The following NELL1 variants were observed in gnomAD, a reference collection of about 807,000 sequenced individuals.
NELL1 encodes neural EGFL like 1.
In NELL1, 76 loss-of-function variants were observed where a neutral mutation model predicts 107.4. That is an observed-to-expected ratio of 0.71 (90% CI 0.59 to 0.86). NELL1 has a LOEUF of 0.86. NELL1 is among the 40% of genes least tolerant of loss of function. The probability of loss-of-function intolerance (pLI) is 0.00; values close to 1 mark genes in which losing one functional copy is unlikely to be tolerated. For synonymous variants in NELL1, 353 were observed against 341.2 expected (o/e 1.03, Z -0.38); for missense variants, 1,024 against 1,005.5 (o/e 1.02, Z -0.25).
At chr11:20,982,625 C>T (rs1304830603) in intron 12 of NELL1, among the ~76,000 whole-genome samples, 4 of 152,142 alleles carry the variant, frequency 2.6e-5, no homozygotes, top group African/African-American at 9.7e-5. Context: ...TTATTTAGCC[C>T]CTTCATTTTG....
chr11:20,913,355 A>AATTAGC lies in NELL1; in HGVS notation c.604-4823_604-4818dup, dbSNP rs1258199252. Among the ~76,000 whole-genome samples the AATTAGC allele has an allele frequency of 3.3e-5, 5 of 152,290 alleles. No individual in the cohort carries two copies. The South Asian group carries it at 8.3e-4, about 25-fold the overall frequency. ...CAGGGAAATAAGAGCGTTAAAAAAGAATTAGCATTTGTTTGGTGGTGAAGC... is the reference window on the plus strand; with the variant it reads ...CAGGGAAATAAGAGCGTTAAAAAAGAATTAGCATTAGCATTTGTTTGGTGGTGAAGC... On this transcript the variant is annotated intron_variant, in intron 5 of 19. Transcript: ENST00000357134.
intron 15 of NELL1, among the ~76,000 whole-genome samples, chr11:21,459,519 C>A (rs1162784207): frequency 6.6e-6 from 1 of 151,834 alleles, no homozygotes; most frequent in Non-Finnish European, 1.5e-5. Context: ...CTTGCTGGGT[C>A]AGGGGCATAG....
intron 2 of NELL1, among the ~76,000 whole-genome samples, chr11:20,704,359 A>G (rs1380229919): frequency 6.6e-6 from 1 of 152,130 alleles, no homozygotes; most frequent in Non-Finnish European, 1.5e-5. Context: ...TTTGCTTGGC[A>G]GATCTTCCTC....
intron 10 of NELL1, among the ~76,000 whole-genome samples, chr11:20,941,900 T>C (rs573125021): frequency 1.3e-5 from 2 of 152,258 alleles, no homozygotes; most frequent in East Asian, 3.9e-4. Flanking sequence ...AAGTACAAGA[T>C]GGTGCATCAC....
chr11:21,390,763 C>T (rs1344908511), intron 15 of NELL1, among the ~76,000 whole-genome samples: 1 of 151,830 alleles, frequency 6.6e-6, no homozygotes, highest in African/African-American at 2.4e-5. Context: ...TTGGGTCAAC[C>T]TCAGATTCTC....
At chr11:20,834,126 G>A (rs1221373341) in intron 3 of NELL1, among the ~76,000 whole-genome samples, 2 of 152,130 alleles carry the variant, frequency 1.3e-5, no homozygotes, top group African/African-American at 2.4e-5. Flanking sequence ...AGACCTGATA[G>A]GAATCTATAT....
intron 2 of NELL1, among the ~76,000 whole-genome samples, chr11:20,756,086 G>A (rs1245045647): frequency 6.6e-6 from 1 of 150,858 alleles, no homozygotes; most frequent in African/African-American, 2.4e-5. Context: ...TGGAGACGGG[G>A]TTTCACCGTG....
intron 4 of NELL1, among the ~76,000 whole-genome samples, chr11:20,879,601 T>C (rs1849370140): frequency 6.6e-6 from 1 of 151,876 alleles, no homozygotes; most frequent in Non-Finnish European, 1.5e-5. Context: ...GGGTGTCAGG[T>C]GGGGCGGGGG....
chr11:21,555,995 C>G (rs1032752135), intron 16 of NELL1, among the ~76,000 whole-genome samples: 1 of 151,904 alleles, frequency 6.6e-6, no homozygotes, highest in Non-Finnish European at 1.5e-5. Context: ...TTTCATTAGC[C>G]TTTTATTTTG....
chr11:21,026,756 G>A (rs191595382), intron 12 of NELL1, among the ~76,000 whole-genome samples: 1 of 152,250 alleles, frequency 6.6e-6, no homozygotes, highest in African/African-American at 2.4e-5. Flanking sequence ...TATTCACCGT[G>A]ATCCTTTGAG....
intron 15 of NELL1, among the ~76,000 whole-genome samples, chr11:21,376,056 G>A (rs918503682): frequency 2.6e-5 from 4 of 151,962 alleles, no homozygotes; most frequent in African/African-American, 9.7e-5. Context: ...GTTGAATTAA[G>A]TCCTACTTGT....
chr11:21,163,770 C>T (rs1048310921), intron 13 of NELL1, among the ~76,000 whole-genome samples: 2 of 152,090 alleles, frequency 1.3e-5, no homozygotes, highest in Admixed American at 6.6e-5. Flanking sequence ...GTCTCTTTCT[C>T]TTCTTATAAG....
chr11:20,784,149 A>C (rs1280768243), intron 3 of NELL1, among the ~76,000 whole-genome samples: 2 of 152,244 alleles, frequency 1.3e-5, no homozygotes, highest in Non-Finnish European at 2.9e-5. Context: ...AAACATTTAC[A>C]GTGTGTTTAT....
intron 1 of NELL1, among the ~76,000 whole-genome samples, chr11:20,673,773 G>A (rs1853979253): frequency 6.6e-6 from 1 of 152,140 alleles, no homozygotes; most frequent in African/African-American, 2.4e-5. Flanking sequence ...GTCCAAAGTA[G>A]AGAACTTTAA....
intron 15 of NELL1, among the ~76,000 whole-genome samples, chr11:21,422,656 T>G (rs1466196180): frequency 6.6e-6 from 1 of 152,138 alleles, no homozygotes; most frequent in Non-Finnish European, 1.5e-5. Flanking sequence ...AATGTAATAC[T>G]TATAGTAACC....
intron 2 of NELL1, among the ~76,000 whole-genome samples, chr11:20,737,725 G>T (rs1039140812): frequency 6.6e-6 from 1 of 151,570 alleles, no homozygotes; most frequent in Non-Finnish European, 1.5e-5. Context: ...TTCCATAATG[G>T]TAATATTATT....
chr11:20,745,652 G>C (rs1035852649), intron 2 of NELL1, among the ~76,000 whole-genome samples: 4 of 152,154 alleles, frequency 2.6e-5, no homozygotes, highest in Admixed American at 1.3e-4. Flanking sequence ...ACCTTGAAAT[G>C]GGATGCCATT....
chr11:20,904,219 A>AT (rs575580866), intron 5 of NELL1, among the ~76,000 whole-genome samples: 32 of 151,258 alleles, frequency 2.1e-4, no homozygotes, highest in African/African-American at 5.2e-4. Flanking sequence ...AAATAAATAA[A>AT]AAAAAAAAGA....
Position 20,885,526 on chromosome 11 carries a change from C to G in NELL1, c.589C>G (p.His197Asp). 1 of 1,606,996 alleles carries G rather than the reference C, an allele frequency of 6.2e-7. No homozygotes were observed. The highest frequency in any genetic ancestry group is 8.5e-7 in the Non-Finnish European group (1 of 1,173,516). Reference sequence around the variant, plus strand: ...ATGGCTTGGCCAGCGCAACCAAAAGCATGGCTTATTCAAAGTAAGCACTAA... The same window carrying G: ...ATGGCTTGGCCAGCGCAACCAAAAGGATGGCTTATTCAAAGTAAGCACTAA... ...NLWLGQRNQK[H>D]GLFKGIIQDG... Residue 197 changes from histidine (H) to aspartate (D), a missense_variant, in exon 5 of 20, where the codon CAT becomes GAT. By Grantham distance (81) the His-to-Asp change is moderately conservative (BLOSUM62 -1). Transcript: ENST00000357134.
Sources: allele counts gnomAD v4.1 joint callset (sites outside exome capture counted in the v4.1 genomes callset), GRCh38; gene constraint gnomAD v4.1.1; transcripts MANE v1.5; gene names NCBI Gene and HGNC (gene_info 2026-07-23, HGNC 2026-07-21).